The following XRCC6 variants were observed in gnomAD, a reference collection of about 807,000 sequenced individuals.
XRCC6 encodes DNA repair protein Ku70.
XRCC6 carries 5 observed loss-of-function variants against 65.7 expected under a neutral mutation model. The observed-to-expected ratio is 0.08, with a 90% CI of 0.04 to 0.16. XRCC6 has a LOEUF of 0.16. XRCC6 is among the 10% of genes least tolerant of loss of function. XRCC6 has a pLI of 1.00. For synonymous variants in XRCC6, 270 were observed against 270.6 expected (o/e 1.00, Z 0.02); for missense variants, 447 against 738.1 (o/e 0.61, Z 4.57).
chr22:41,637,870 A>G, intron 6 of XRCC6, 79 bp downstream of exon 6: 2 of 1,463,640 alleles, frequency 1.4e-6, no homozygotes, highest in Non-Finnish European at 1.8e-6. Flanking sequence ...CACACCTGTA[A>G]TCCCAACAGT....
At chr22:41,646,789 A>T in intron 6 of XRCC6, 107 bp from the exon 7 acceptor site, 1 of 945,526 alleles carries the variant, frequency 1.1e-6, no homozygotes, top group Non-Finnish European at 1.6e-6. Flanking sequence ...GAGCTTGCTT[A>T]GGATTATTGG....
intron 6 of XRCC6, among the ~76,000 whole-genome samples, chr22:41,640,884 C>A (rs1241666480): frequency 1.3e-5 from 2 of 152,164 alleles, no homozygotes; most frequent in African/African-American, 4.8e-5. Context: ...TGTTTGGATT[C>A]TAGTCCTGGT....
rs546804776 is a variant in XRCC6, at chr22:41,636,040, A to G, written c.196-73A>G. ...AAATTCAGTGCACATATTTTGAGCA[A>G]CTAATAGGTACTGAGCACTTATGGA... On this transcript the variant is annotated intron_variant, in intron 3 of 12. Transcript: ENST00000360079. 2.9e-6 allele frequency: 4 copies of G among 1,361,786 alleles called. No homozygotes were observed. In the South Asian group the frequency reaches 6.7e-5, roughly 23 times the overall value. The allele number at this position is 1,361,786 out of a possible 1,614,324, so 84.4% of individuals were successfully genotyped here.
chr22:41,635,995 CT>C (rs1460859548), intron 3 of XRCC6, 117 bp from the exon 4 acceptor site: 1 of 860,584 alleles, frequency 1.2e-6, no homozygotes, highest in African/African-American at 1.8e-5. Context: ...GGGATCTTGC[CT>C]TATTTTAGTG....
intron 3 of XRCC6, among the ~76,000 whole-genome samples, chr22:41,628,978 A>AC (rs2067709742): frequency 6.6e-6 from 1 of 151,370 alleles, no homozygotes; most frequent in African/African-American, 2.4e-5. Context: ...AAAAAAAAAA[A>AC]AAAAAAAAAA....
chr22:41,647,703 T>C (rs1464872777), intron 7 of XRCC6, among the ~76,000 whole-genome samples: 1 of 152,100 alleles, frequency 6.6e-6, no homozygotes, highest in African/African-American at 2.4e-5. Flanking sequence ...ATTACAGACA[T>C]TGGCCACTGT....
chr22:41,653,699 C>T lies in XRCC6; in HGVS notation c.1291+9C>T, dbSNP rs1353933859. On this transcript the variant is annotated intron_variant, in intron 9 of 12. Transcript: ENST00000360079. Reference sequence around the variant, plus strand: ...TCAGGTGACTCCTCCAGGTATGTGGCAGAGATATTTCCAGGGCTTCTGAAC... The same window carrying T: ...TCAGGTGACTCCTCCAGGTATGTGGTAGAGATATTTCCAGGGCTTCTGAAC... 1 of 1,612,110 alleles carries T rather than the reference C, an allele frequency of 6.2e-7. No individual in the cohort carries two copies. Among genetic ancestry groups the T allele is most frequent in the Non-Finnish European group, 8.5e-7 (1 of 1,178,424 alleles).
chr22:41,638,927 TTA>T (rs2067842943), intron 6 of XRCC6, among the ~76,000 whole-genome samples: 1 of 152,110 alleles, frequency 6.6e-6, no homozygotes, highest in Non-Finnish European at 1.5e-5. Flanking sequence ...CTGCATACTT[TTA>T]TATAACTGGC....
intron 11 of XRCC6, among the ~76,000 whole-genome samples, chr22:41,660,813 T>C (rs530413253): frequency 1.3e-5 from 2 of 152,142 alleles, no homozygotes; most frequent in African/African-American, 2.4e-5. Flanking sequence ...ACCGCAGGCA[T>C]GAGCACTTGT....
At chr22:41,639,703 G>C (rs1418076484) in intron 6 of XRCC6, among the ~76,000 whole-genome samples, 2 of 108,652 alleles carry the variant, frequency 1.8e-5, no homozygotes, top group Non-Finnish European at 3.6e-5. Flanking sequence ...TGCTCTTTTG[G>C]CCGGGCTGGA....
chr22:41,657,489 ATTT>A (rs887578784), intron 10 of XRCC6, among the ~76,000 whole-genome samples: 1 of 111,416 alleles, frequency 9.0e-6, no homozygotes, highest in Non-Finnish European at 1.8e-5. Context: ...ATTTTTAAAA[ATTT>A]ATTATTATTA....
intron 8 of XRCC6, 98 bp downstream of exon 8, chr22:41,650,989 A>G: frequency 2.1e-6 from 3 of 1,436,422 alleles, no homozygotes; most frequent in Non-Finnish European, 2.9e-6. Context: ...TGTACAGGAA[A>G]TGTTAATGGA....
chr22:41,637,078 ATTTTT>A (rs35433922), intron 5 of XRCC6, among the ~76,000 whole-genome samples: 1 of 88,704 alleles, frequency 1.1e-5, no homozygotes, highest in Admixed American at 1.2e-4. Context: ...GATTGTCTTG[ATTTTT>A]TTTTTTTTTT....
chr22:41,636,250 A>C lies in XRCC6; in HGVS notation c.333A>C (p.Pro111=). 6.3e-7 allele frequency: 1 copy of C among 1,584,052 alleles called. No individual in the cohort carries two copies. The change falls in exon 4 of 13, where the codon CCA becomes CCC. Residue 111 remains proline (P), a splice_region_variant and synonymous_variant. Coordinates refer to ENST00000360079, the MANE Select transcript of XRCC6 (RefSeq NM_001469.5). The part of the protein sequence containing the change: ...NIYVLQELDN[P]GAKRILELDQ... ...ACGTCTTACAGGAGCTGGATAATCC[A>C]GGTCAGTAATATTTTAAGATCAGCT...
chr22:41,622,190 T>C, intron 2 of XRCC6, 104 bp downstream of exon 2: 2 of 1,169,422 alleles, frequency 1.7e-6, no homozygotes, highest in South Asian at 1.3e-5. Context: ...GCCCTTCTCC[T>C]CCCAGATAAT....
At chr22:41,629,580 T>C (rs1382520454) in intron 3 of XRCC6, among the ~76,000 whole-genome samples, 1 of 152,162 alleles carries the variant, frequency 6.6e-6, no homozygotes, top group Non-Finnish European at 1.5e-5. Flanking sequence ...GGTATGGGGT[T>C]TGCTTTTGGG....
At chr22:41,646,354 TATG>T (rs2067932273) in intron 6 of XRCC6, among the ~76,000 whole-genome samples, 1 of 151,998 alleles carries the variant, frequency 6.6e-6, no homozygotes, top group Non-Finnish European at 1.5e-5. Context: ...ACAGGGTTAT[TATG>T]ATGATTAAAT....
chr22:41,643,714 A>T (rs1055395717), intron 6 of XRCC6, among the ~76,000 whole-genome samples: 1 of 151,124 alleles, frequency 6.6e-6, no homozygotes, highest in Non-Finnish European at 1.5e-5. Flanking sequence ...CCAGCTACTC[A>T]GGAGGCTGAG....
chr22:41,649,139 A>AAAATATATATATATAT, intron 7 of XRCC6, among the ~76,000 whole-genome samples: 35 of 88,702 alleles, frequency 3.9e-4, no homozygotes, highest in East Asian at 8.8e-4. Flanking sequence ...AAAAAAAAAA[A>AAAATATATATATATAT]ATATATATAT....
Sources: gnomAD v4.1 joint callset for allele counts (sites outside exome capture counted in the v4.1 genomes callset) on GRCh38, gnomAD v4.1.1 for gene constraint, MANE v1.5 for transcripts, NCBI Gene and HGNC (gene_info 2026-07-23, HGNC 2026-07-21) for gene names.